Variants in CACNA1C observed in about 807,000 individuals in gnomAD.
CACNA1C encodes the protein voltage-dependent L-type calcium channel subunit alpha-1C.
A neutral mutation model predicts 229.0 loss-of-function variants in CACNA1C; 30 were observed. The ratio of observed to expected loss-of-function variants is 0.13; its 90% confidence interval spans 0.10 to 0.18. CACNA1C has a LOEUF of 0.18. Ranked by LOEUF, CACNA1C falls within the 10% of genes least tolerant of loss-of-function variation. The probability of loss-of-function intolerance (pLI) is 1.00; values close to 1 mark genes in which losing one functional copy is unlikely to be tolerated. For synonymous variants in CACNA1C, 1,114 were observed against 1,132.5 expected (o/e 0.98, Z 0.33); for missense variants, 1,658 against 2,845.0 (o/e 0.58, Z 9.49).
At chr12:2,013,048 TG>T (rs1316960228) in intron 1 of CACNA1C, among the ~76,000 whole-genome samples, 1 of 152,236 alleles carries the variant, frequency 6.6e-6, no homozygotes, top group Non-Finnish European at 1.5e-5. Context: ...CTAGCCATAG[TG>T]GCATAATGTC....
rs565993253 is a variant in CACNA1C at position 2,152,242 on chromosome 12, C to G, written c.477+31812C>G. Among the ~76,000 whole-genome samples, 1 of 152,344 alleles carries G rather than the reference C, an allele frequency of 6.6e-6. No homozygotes were observed. The highest frequency in any genetic ancestry group is 2.4e-5 in the African/African-American group (1 of 41,582). On this transcript the variant is annotated intron_variant, in intron 3 of 46. Transcript: ENST00000399655. This position sits in a 1 kb window ranked among gnomAD's most constrained non-coding sequence, Gnocchi z 4.2. ...GTTACCCAGTGTCTGTTCTCTACCT[C>G]TTTCATAGGGATAGAATTTTCAGCT...
chr12:2,300,447 C>A (rs1320978331), intron 3 of CACNA1C, among the ~76,000 whole-genome samples: 7 of 151,920 alleles, frequency 4.6e-5, no homozygotes, highest in Non-Finnish European at 1.5e-5. Context: ...ATGGTGAAAT[C>A]CTGTCTCTAC....
intron 3 of CACNA1C, among the ~76,000 whole-genome samples, chr12:2,244,530 T>C (rs2072157806): frequency 6.6e-6 from 1 of 152,212 alleles, no homozygotes; most frequent in South Asian, 2.1e-4. Flanking sequence ...CTGTTAACCA[T>C]GTTGTGCCCA....
rs1424214632 is a variant in CACNA1C at position 2,067,895 on chromosome 12, C to A, written c.49+14284C>A. 1.1e-4 allele frequency among the ~76,000 whole-genome samples: 17 copies of A among 152,180 alleles called. No homozygotes were observed. Among genetic ancestry groups the A allele is most frequent in the Admixed American group, 1.1e-3 (17 of 15,284 alleles). ...TCCAAACCAAGCCCAGCTTCACAGCCTATGATATTGGCTCTCTGGAGAACC... is the reference window on the plus strand; with the variant it reads ...TCCAAACCAAGCCCAGCTTCACAGCATATGATATTGGCTCTCTGGAGAACC... On this transcript the variant is annotated intron_variant, in intron 1 of 46. Transcript: ENST00000399655. The surrounding 1 kb of genome is among the most constrained non-coding windows in gnomAD (Gnocchi z 5.3).
chr12:2,129,745 G>T (rs1421697595), intron 3 of CACNA1C, among the ~76,000 whole-genome samples: 1 of 152,108 alleles, frequency 6.6e-6, no homozygotes, highest in African/African-American at 2.4e-5. Flanking sequence ...ACCCGCACAG[G>T]GTCCCGGAAC....
chr12:2,487,468 A>G (rs186460129), intron 6 of CACNA1C, among the ~76,000 whole-genome samples: 415 of 147,842 alleles, frequency 2.8e-3, no homozygotes, highest in Non-Finnish European at 4.2e-3. Flanking sequence ...GATTAACTGC[A>G]TATTTGAGGG....
rs1217594595 is a variant in CACNA1C at position 2,695,000 on chromosome 12, TATC to T, written c.*3804_*3806del. The T allele has an allele frequency of 3.9e-5, 6 of 152,214 alleles. No individual in the cohort carries two copies. Among genetic ancestry groups the T allele is most frequent in the East Asian group, 1.9e-4 (1 of 5,178 alleles). The allele number at this position is 152,214 out of a possible 1,614,324, so 9.4% of individuals were successfully genotyped here. ...CATCCCTAGAGGCCAAGAATTGAAA[TATC>T]ATTGTCAAGGATTAGAAACAATTCA... On this transcript the variant is annotated 3_prime_UTR_variant, in exon 47 of 47. Transcript: ENST00000399655.
Position 2,606,644 on chromosome 12 carries a change from C to G in CACNA1C, c.3190C>G (p.Gln1064Glu). The G allele has an allele frequency of 6.2e-7, 1 of 1,609,280 alleles. No individual in the cohort carries two copies. Among genetic ancestry groups the G allele is most frequent in the Non-Finnish European group, 8.5e-7 (1 of 1,178,050 alleles). Residue 1064 changes from glutamine (Q) to glutamate (E), a missense_variant, in exon 25 of 47, where the codon CAG becomes GAG. Coordinates refer to ENST00000399655, the MANE Select transcript of CACNA1C (RefSeq NM_000719.7). ...GTACACCTGTTCAGACAGTTCCAAG[C>G]AGACAGAGGCGGAATGCAAGTGAGT... is the stretch of plus-strand genomic sequence containing the variant. ...KLYTCSDSSK[Q>E]TEAECKGNYI...
intron 3 of CACNA1C, among the ~76,000 whole-genome samples, chr12:2,415,606 C>T (rs943155296): frequency 6.6e-6 from 1 of 152,174 alleles, no homozygotes; most frequent in Non-Finnish European, 1.5e-5. Context: ...GTGGCTGCCG[C>T]TCTCCTCTGA....
rs372651429 is a variant in CACNA1C, at chr12:2,053,570, A to G, written c.8A>G (p.Asn3Ser). 6.3e-7 allele frequency: 1 copy of G among 1,598,722 alleles called. No individual in the cohort carries two copies. The highest frequency in any genetic ancestry group is 8.5e-7 in the Non-Finnish European group (1 of 1,172,778). ...TAAAACCATTTTTGGTCCATGGTCAATGAGAATACGAGGATGTACATTCCA... is the reference window on the plus strand; with the variant it reads ...TAAAACCATTTTTGGTCCATGGTCAGTGAGAATACGAGGATGTACATTCCA... MV[N>S]ENTRMYIPEE... is the part of the protein sequence containing the mutation. The change falls in exon 1 of 47, where the codon AAT becomes AGT. Residue 3 changes from asparagine to serine, a missense_variant. Transcript: ENST00000399655. The surrounding 1 kb of genome is among the most constrained non-coding windows in gnomAD (Gnocchi z 5.8).
intron 3 of CACNA1C, among the ~76,000 whole-genome samples, chr12:2,200,940 T>C (rs771669640): frequency 6.6e-6 from 1 of 152,250 alleles, no homozygotes; most frequent in Non-Finnish European, 1.5e-5. Flanking sequence ...GGCTTGAATG[T>C]GCTTTTATCC....
At chr12:2,258,332 G>A (rs1300626852) in intron 3 of CACNA1C, among the ~76,000 whole-genome samples, 2 of 152,114 alleles carry the variant, frequency 1.3e-5, no homozygotes, top group South Asian at 2.1e-4. Flanking sequence ...TGATTAGTCA[G>A]AATAATTTTA....
chr12:2,613,915 G>T (rs562284892), intron 29 of CACNA1C: 1 of 152,330 alleles, frequency 6.6e-6, no homozygotes, highest in Non-Finnish European at 1.5e-5. Context: ...GAGACATATG[G>T]TTTAAATATT....
intron 13 of CACNA1C, 22 bp from the exon 14 acceptor site, chr12:2,581,568 C>T (rs1464215699): frequency 1.9e-5 from 29 of 1,540,646 alleles, no homozygotes; most frequent in Non-Finnish European, 2.5e-5. Flanking sequence ...AGAGTGCTGA[C>T]CTCCCTCCTG....
chr12:2,128,881 C>T (rs1423314085), intron 3 of CACNA1C, among the ~76,000 whole-genome samples: 1 of 152,180 alleles, frequency 6.6e-6, no homozygotes, highest in African/African-American at 2.4e-5. Flanking sequence ...TAGATGAGCA[C>T]ACACAAGCTC....
In CACNA1C at chr12:2,493,233, G is replaced by A. The variant is rs553958501; in HGVS notation, c.960G>A (p.Thr320=). 223 of 1,613,992 alleles carry A rather than the reference G, an allele frequency of 1.4e-4. 3 individuals carry two copies. The South Asian group carries it at 2.2e-3, about 16-fold the overall frequency. ...EDDPSPCALE[T]GHGRQCQNGT... ...ACCCTTCCCCTTGTGCGCTGGAAAC[G>A]GGCCACGGGCGGCAGTGCCAGAACG... Residue 320 remains threonine (T), a synonymous_variant, in exon 7 of 47, where the codon ACG becomes ACA. Transcript: ENST00000399655. The surrounding 1 kb of genome is among the most constrained non-coding windows in gnomAD (Gnocchi z 4.6).
chr12:2,650,516 G>A (rs999737866), intron 31 of CACNA1C, among the ~76,000 whole-genome samples: 2 of 152,174 alleles, frequency 1.3e-5, no homozygotes, highest in African/African-American at 4.8e-5. Flanking sequence ...CCCGGTGCCC[G>A]CAGGTCTGGG....
intron 1 of CACNA1C, among the ~76,000 whole-genome samples, chr12:2,018,780 A>G (rs1396955495): frequency 6.6e-6 from 1 of 152,206 alleles, no homozygotes; most frequent in Non-Finnish European, 1.5e-5. Context: ...ATAAAAATAT[A>G]GTACTGTGCT....
chr12:2,313,172 C>T (rs528530822), intron 3 of CACNA1C, among the ~76,000 whole-genome samples: 2 of 152,300 alleles, frequency 1.3e-5, no homozygotes, highest in Admixed American at 1.3e-4. Flanking sequence ...TTGGGCTTCT[C>T]CACTTTGCTC....
Sources: allele counts gnomAD v4.1 joint callset (sites outside exome capture counted in the v4.1 genomes callset), GRCh38; gene constraint gnomAD v4.1.1; non-coding constraint Gnocchi (gnomAD v3.1); transcripts MANE v1.5; gene names NCBI Gene and HGNC (gene_info 2026-07-23, HGNC 2026-07-21).